The following SYNE1 variants were observed in gnomAD, a reference collection of about 807,000 sequenced individuals.
SYNE1 encodes nesprin-1.
SYNE1 carries 616 observed loss-of-function variants against 1,111.0 expected under a neutral mutation model. That is an observed-to-expected ratio of 0.55 (90% confidence interval 0.52 to 0.59). SYNE1 has a LOEUF of 0.59. Ranked by LOEUF, SYNE1 falls within the 20% of genes least tolerant of loss-of-function variation. The pLI is 0.00. For synonymous variants in SYNE1, 3,855 were observed against 3,825.8 expected (o/e 1.01, Z -0.28); for missense variants, 10,006 against 10,417.0 (o/e 0.96, Z 1.72).
chr6:152,305,472 C>A (rs2095343116), intron 91 of SYNE1, among the ~76,000 whole-genome samples: 1 of 152,076 alleles, frequency 6.6e-6, no homozygotes, highest in Non-Finnish European at 1.5e-5. Context: ...ACCATATTGG[C>A]CAGGCTGGTC....
At chr6:152,167,976 A>G in intron 130 of SYNE1, 1 of 778,022 alleles carries the variant, frequency 1.3e-6, no homozygotes, top group South Asian at 1.4e-5. Context: ...CCACATGGCC[A>G]GCTATCTCCC....
At chr6:152,592,736 T>G (rs532832459) in intron 3 of SYNE1, among the ~76,000 whole-genome samples, 2 of 152,200 alleles carry the variant, frequency 1.3e-5, no homozygotes, top group African/African-American at 4.8e-5. Flanking sequence ...TCAAAGTCCT[T>G]CACTTGATAA....
rs35003170 is a variant in SYNE1 at position 152,344,329 on chromosome 6, TC to T, written c.12079-103del. 0.6 allele frequency: 916,564 copies of T among 1,534,964 alleles called. 277,228 individuals carry two copies. The highest frequency in any genetic ancestry group is 0.64 in the East Asian group (28,499 of 44,242). Reference sequence around the variant, plus strand: ...ATGACCAGTACATCTAAATGGATTTTCCCCCCAAGATTCTGCAATTTCATCT... The same window carrying T: ...ATGACCAGTACATCTAAATGGATTTTCCCCCAAGATTCTGCAATTTCATCT... On this transcript the variant is annotated intron_variant, in intron 73 of 145. Coordinates refer to ENST00000367255, the MANE Select transcript of SYNE1 (RefSeq NM_182961.4).
At chr6:152,356,974 A>G (rs2096849992) in intron 66 of SYNE1, among the ~76,000 whole-genome samples, 1 of 152,220 alleles carries the variant, frequency 6.6e-6, no homozygotes, top group Non-Finnish European at 1.5e-5. Flanking sequence ...TTGGTAGTGT[A>G]GAACTAAGAA....
At position 152,136,710 on chromosome 6, in the gene SYNE1, G is replaced by A. The variant is rs765027754; in HGVS notation, c.25567C>T (p.Arg8523Cys). Residue 8523 changes from arginine (R) to cysteine (C), a missense_variant, in exon 141 of 146, where the codon CGC (arginine) becomes TGC (cysteine). By Grantham distance (180) the Arg-to-Cys change is radical. This residue lies in a region of SYNE1 where 761 missense variants were observed against 795.5 expected (regional missense o/e 0.96). Coordinates refer to ENST00000367255, the MANE Select transcript of SYNE1 (RefSeq NM_182961.4). The part of the protein sequence containing the change: ...DSKESRDLQD[R>C]LSQMNGRWDR... ...CAGCGCCCATTCATCTGCGACAAGC[G>A]ATCCTGCAGGTCCCGGCTCTCCTTG... is the stretch of plus-strand genomic sequence containing the variant. 7.4e-6 allele frequency: 12 copies of A among 1,614,210 alleles called. No individual in the cohort carries two copies. The highest frequency in any genetic ancestry group is 4.4e-5 in the South Asian group (4 of 91,090).
At chr6:152,218,230 C>G (rs2079230561) in intron 121 of SYNE1, 27 bp downstream of exon 121, 2 of 1,612,990 alleles carry the variant, frequency 1.2e-6, no homozygotes, top group African/African-American at 1.3e-5. Context: ...GGTAAAAGAT[C>G]TGGGACTCAG....
chr6:152,269,203 A>C lies in SYNE1; in HGVS notation c.18657T>G (p.Ala6219=). The C allele has an allele frequency of 6.2e-7, 1 of 1,614,158 alleles. No homozygotes were observed. Among genetic ancestry groups the C allele is most frequent in the Non-Finnish European group, 8.5e-7 (1 of 1,180,032 alleles). ...SPGVQEWLAQ[A]RTTWTQQRQS... ...GCCGCTGCTGGGTCCATGTGGTGCGAGCTTGGGCCAGCCATTCCTGGACGC... is the reference window on the plus strand; with the variant it reads ...GCCGCTGCTGGGTCCATGTGGTGCGCGCTTGGGCCAGCCATTCCTGGACGC... The change falls in exon 99 of 146, where the codon GCT becomes GCG. Residue 6219 remains alanine (A), a synonymous_variant. Transcript: ENST00000367255.
Position 152,201,351 on chromosome 6 carries a change from T to C in SYNE1, c.23145+473A>G, listed in dbSNP as rs551200350. ...CTTAGAGCCCTGAGCAATTTAGGGA[T>C]TGTGTGTCTCTATGCAGTCACTGAG... On this transcript the variant is annotated intron_variant, in intron 127 of 145. Coordinates refer to ENST00000367255, the MANE Select transcript of SYNE1 (RefSeq NM_182961.4). Among the ~76,000 whole-genome samples, 405 of 152,258 alleles carry C rather than the reference T, an allele frequency of 2.7e-3. 4 individuals carry two copies. Among genetic ancestry groups the C allele is most frequent in the African/African-American group, 9.2e-3 (384 of 41,550 alleles).
intron 2 of SYNE1, among the ~76,000 whole-genome samples, chr6:152,632,416 C>A (rs1007999249): frequency 6.6e-6 from 1 of 152,060 alleles, no homozygotes; most frequent in African/African-American, 2.4e-5. Flanking sequence ...GATTTTCTTG[C>A]TTTTTACTGA....
At chr6:152,295,191 G>A (rs1176734231) in intron 93 of SYNE1, among the ~76,000 whole-genome samples, 4 of 152,140 alleles carry the variant, frequency 2.6e-5, no homozygotes, top group Non-Finnish European at 5.9e-5. Flanking sequence ...TCACTCATTG[G>A]TCCAATCTTG....
Position 152,180,152 on chromosome 6 carries a change from A to G in SYNE1, c.23444T>C (p.Ile7815Thr), listed in dbSNP as rs1391158473. ...ATTCCATACCTTCTTGAGCTTCTCTATCATTTCTTCAATGAGAATGTCTCC... is the reference window on the plus strand; with the variant it reads ...ATTCCATACCTTCTTGAGCTTCTCTGTCATTTCTTCAATGAGAATGTCTCC... The part of the protein sequence containing the change: ...QNGDILIEEM[I>T]EKLKKDYQEE... The change falls in exon 129 of 146, where the codon ATA becomes ACA. Residue 7815 changes from isoleucine (I) to threonine (T), a missense_variant. Ile to Thr is a moderately conservative substitution (Grantham distance 89). Coordinates refer to ENST00000367255, the MANE Select transcript of SYNE1 (RefSeq NM_182961.4). 1.9e-6 allele frequency: 3 copies of G among 1,613,996 alleles called. No homozygotes were observed. The highest frequency in any genetic ancestry group is 8.5e-7 in the Non-Finnish European group (1 of 1,180,016).
At chr6:152,559,274 A>AT (rs1372641845) in intron 3 of SYNE1, among the ~76,000 whole-genome samples, 2 of 151,872 alleles carry the variant, frequency 1.3e-5, no homozygotes, top group Admixed American at 6.6e-5. Flanking sequence ...ATGTTTTAAA[A>AT]TTTTTTTGTA....
chr6:152,610,618 A>G (rs538795953), intron 3 of SYNE1, among the ~76,000 whole-genome samples: 87 of 152,326 alleles, frequency 5.7e-4, no homozygotes, highest in East Asian at 5.4e-3. Context: ...AGGCAGGCCA[A>G]CATTCAAATA....
At chr6:152,520,356 T>A in intron 6 of SYNE1, 103 bp downstream of exon 6, 6 of 1,090,156 alleles carry the variant, frequency 5.5e-6, no homozygotes, top group Admixed American at 1.7e-5. Context: ...CTGTATAGAT[T>A]ACATGCCATC....
chr6:152,535,542 T>G (rs1354024286), intron 4 of SYNE1, among the ~76,000 whole-genome samples: 3 of 152,142 alleles, frequency 2.0e-5, no homozygotes, highest in African/African-American at 7.2e-5. Flanking sequence ...TGAGACCTAT[T>G]TTTCCTCAAA....
At chr6:152,257,818 A>G (rs530280154) in intron 101 of SYNE1, among the ~76,000 whole-genome samples, 7 of 152,316 alleles carry the variant, frequency 4.6e-5, no homozygotes, top group African/African-American at 1.7e-4. Flanking sequence ...TGAAGCAGAG[A>G]TATAATAAAT....
chr6:152,551,145 G>C (rs190144346), intron 3 of SYNE1, among the ~76,000 whole-genome samples: 13 of 152,234 alleles, frequency 8.5e-5, no homozygotes, highest in Non-Finnish European at 1.3e-4. Context: ...GGATAGTAAA[G>C]TAATGAAAAT....
intron 6 of SYNE1, among the ~76,000 whole-genome samples, chr6:152,519,786 G>A (rs1191259591): frequency 6.6e-6 from 1 of 152,122 alleles, no homozygotes; most frequent in African/African-American, 2.4e-5. Flanking sequence ...GAAAAACAGT[G>A]ACTCTACCAT....
chr6:152,363,474 A>G (rs1236280256), intron 63 of SYNE1, among the ~76,000 whole-genome samples: 3 of 150,860 alleles, frequency 2.0e-5, no homozygotes, highest in Non-Finnish European at 4.4e-5. Context: ...AGCCTGGGCG[A>G]CAGAGCAAGA....
Sources: gnomAD v4.1 joint callset for allele counts (sites outside exome capture counted in the v4.1 genomes callset) on GRCh38, gnomAD v4.1.1 for gene constraint, gnomAD v4.1.1 regional missense constraint, MANE v1.5 for transcripts, NCBI Gene and HGNC (gene_info 2026-07-23, HGNC 2026-07-21) for gene names.